MYO5B: variants seen among roughly 807,000 people sequenced by gnomAD.
MYO5B encodes myosin VB.
Under a neutral mutation model 229.3 loss-of-function variants are expected in MYO5B, and 143 were observed. That is an observed-to-expected ratio of 0.62 (90% CI 0.54 to 0.72). The LOEUF is 0.72. Among genes scored for constraint, MYO5B ranks in the 30% least tolerant of loss-of-function variants. MYO5B has a pLI of 0.00. For synonymous variants in MYO5B, 918 were observed against 885.2 expected, an observed-to-expected ratio of 1.04 and a Z score of -0.66; for missense variants, 2,321 against 2,331.0, an observed-to-expected ratio of 1.00 and a Z score of 0.09.
At chr18:49,848,597 G>GA (rs770462110) in intron 32 of MYO5B, among the ~76,000 whole-genome samples, 44 of 152,054 alleles carry the variant, frequency 2.9e-4, no homozygotes, top group Non-Finnish European at 5.1e-4. Context: ...ACAGTGCTGT[G>GA]AAAAAACAGG....
At chr18:50,104,594 CCTT>C (rs2031721707) in intron 1 of MYO5B, among the ~76,000 whole-genome samples, 1 of 152,064 alleles carries the variant, frequency 6.6e-6, no homozygotes, top group Non-Finnish European at 1.5e-5. Context: ...TCAGGAAAGA[CCTT>C]CTTAGGTTTC....
intron 1 of MYO5B, among the ~76,000 whole-genome samples, chr18:50,165,151 A>T (rs1180404790): frequency 6.6e-6 from 1 of 152,222 alleles, no homozygotes; most frequent in Admixed American, 6.5e-5. Flanking sequence ...GGAGAGATGC[A>T]TCTACCAGAA....
At chr18:49,830,384 C>T (rs2023900957) in intron 39 of MYO5B, among the ~76,000 whole-genome samples, 1 of 152,084 alleles carries the variant, frequency 6.6e-6, no homozygotes, top group Admixed American at 6.6e-5. Context: ...TGGAAAGACA[C>T]CCCATGTTCA....
At chr18:49,833,146 A>ATAT (rs971112663) in intron 39 of MYO5B, among the ~76,000 whole-genome samples, 1 of 152,218 alleles carries the variant, frequency 6.6e-6, no homozygotes, top group African/African-American at 2.4e-5. Context: ...AATATTACCT[A>ATAT]TATTATCACA....
intron 27 of MYO5B, among the ~76,000 whole-genome samples, chr18:49,870,159 T>G (rs2024441189): frequency 6.6e-6 from 1 of 152,212 alleles, no homozygotes; most frequent in East Asian, 1.9e-4. Context: ...GAAGGAGATC[T>G]CTATGACACA....
intron 22 of MYO5B, among the ~76,000 whole-genome samples, chr18:49,882,613 C>T (rs751258934): frequency 1.3e-5 from 1 of 74,460 alleles, no homozygotes; most frequent in Non-Finnish European, 2.5e-5. Flanking sequence ...GGCAACAGAT[C>T]AAGAAATCAT....
chr18:50,077,168 T>TAAAAAAAAAAAAAAAAAA (rs71169476), intron 1 of MYO5B, among the ~76,000 whole-genome samples: 2 of 81,232 alleles, frequency 2.5e-5, no homozygotes, highest in African/African-American at 4.5e-5. Context: ...TGTGGCAAAG[T>TAAAAAAAAAAAAAAAAAA]AAAAAAAAAA....
At chr18:49,905,912 G>A (rs1185008851) in intron 19 of MYO5B, among the ~76,000 whole-genome samples, 1 of 152,128 alleles carries the variant, frequency 6.6e-6, no homozygotes, top group Admixed American at 6.5e-5. Flanking sequence ...TCAACCCCTA[G>A]GTCAACACTC....
At chr18:50,007,281 G>A (rs2026112142) in intron 4 of MYO5B, among the ~76,000 whole-genome samples, 3 of 152,112 alleles carry the variant, frequency 2.0e-5, no homozygotes. Flanking sequence ...GAGGCACTGG[G>A]GATTTCTCCC....
intron 26 of MYO5B, among the ~76,000 whole-genome samples, chr18:49,875,310 C>T (rs1300068165): frequency 6.6e-6 from 1 of 152,196 alleles, no homozygotes; most frequent in Non-Finnish European, 1.5e-5. Flanking sequence ...CAAGCCCATG[C>T]AAGATCCCAG....
At chr18:49,961,535 T>C (rs959294732) in intron 12 of MYO5B, among the ~76,000 whole-genome samples, 1 of 152,258 alleles carries the variant, frequency 6.6e-6, no homozygotes, top group Non-Finnish European at 1.5e-5. Flanking sequence ...AGTGGGTTCT[T>C]TCCCTTGCAA....
chr18:49,865,019 T>C (rs1443855134), intron 27 of MYO5B, among the ~76,000 whole-genome samples: 2 of 152,194 alleles, frequency 1.3e-5, no homozygotes, highest in Admixed American at 6.5e-5. Context: ...ATTTTCTGGA[T>C]AGTACATTTA....
chr18:50,040,150 A>G lies in MYO5B; in HGVS notation c.303T>C (p.Thr101=). ...CAGATGCCCCCCACTTACCACAGTA[A>G]GTGTAGATATGGTTGGACTCCAGGA... ...VRFLESNHIY[T]YCGIVLVAIN... The change falls in exon 3 of 40, where the codon ACT becomes ACC. Residue 101 remains threonine, a synonymous_variant. Coordinates refer to ENST00000285039, the MANE Select transcript of MYO5B (RefSeq NM_001080467.3). 1 of 1,614,192 alleles carries G rather than the reference A, an allele frequency of 6.2e-7. No individual in the cohort carries two copies. The highest frequency in any genetic ancestry group is 2.2e-5 in the East Asian group (1 of 44,888).
chr18:49,856,999 A>AAAAGC, intron 29 of MYO5B, 109 bp from the exon 30 acceptor site: 1 of 921,340 alleles, frequency 1.1e-6, no homozygotes, highest in Non-Finnish European at 1.8e-6. Context: ...GAAACGAAAA[A>AAAAGC]AAGGCAAGGC....
At chr18:50,179,267 G>A (rs1358066968) in intron 1 of MYO5B, among the ~76,000 whole-genome samples, 1 of 152,068 alleles carries the variant, frequency 6.6e-6, no homozygotes, top group Admixed American at 6.6e-5. Flanking sequence ...CCTAGAACAA[G>A]TCTCCCAAAT....
chr18:50,159,625 A>C (rs1391186057), intron 1 of MYO5B, among the ~76,000 whole-genome samples: 1 of 152,114 alleles, frequency 6.6e-6, no homozygotes, highest in Non-Finnish European at 1.5e-5. Flanking sequence ...CCTCCCCCAC[A>C]GACTTGTCTC....
intron 38 of MYO5B, among the ~76,000 whole-genome samples, 184 bp downstream of exon 38, chr18:49,836,527 C>T (rs1359407610): frequency 6.6e-6 from 1 of 152,162 alleles, no homozygotes; most frequent in Non-Finnish European, 1.5e-5. Context: ...TCTTGTTTCA[C>T]AGACCAAATG....
At chr18:49,862,847 G>A (rs1374170071) in intron 29 of MYO5B, among the ~76,000 whole-genome samples, 1 of 152,092 alleles carries the variant, frequency 6.6e-6, no homozygotes, top group African/African-American at 2.4e-5. Flanking sequence ...GCATGAGAAG[G>A]GCATTGCAGC....
At position 49,895,171 on chromosome 18, in the gene MYO5B, T is replaced by C; in HGVS notation, c.2815A>G (p.Lys939Glu). 1 of 1,613,060 alleles carries C rather than the reference T, an allele frequency of 6.2e-7. No homozygotes were observed. Among genetic ancestry groups the C allele is most frequent in the Non-Finnish European group, 8.5e-7 (1 of 1,179,174 alleles). ...TGCTCTGAAAGTGTCTTGAACTCTT[T>C]GTTCTGTGGAGAACATCAGCAAACA... Reference protein sequence around the residue: ...QLQRKIDEQNKEFKTLSEQLS... With the variant: ...QLQRKIDEQNEEFKTLSEQLS... The change falls in exon 22 of 40, where the codon AAA becomes GAA. Residue 939 changes from lysine (K) to glutamate (E), a missense_variant. Physicochemically the swap from Lys to Glu is moderately conservative, Grantham distance 56 (BLOSUM62 1). Around this residue, in one of 2 missense-constraint regions of MYO5B, gnomAD observed 2,113 missense variants for 2,044.7 expected, o/e 1.03. Coordinates refer to ENST00000285039, the MANE Select transcript of MYO5B (RefSeq NM_001080467.3).
Sources: allele counts gnomAD v4.1 joint callset (sites outside exome capture counted in the v4.1 genomes callset), GRCh38; gene constraint gnomAD v4.1.1; regional missense constraint gnomAD v4.1.1; transcripts MANE v1.5; gene names NCBI Gene and HGNC (gene_info 2026-07-23, HGNC 2026-07-21).